ASAP3: variants seen among roughly 807,000 people sequenced by gnomAD.
The protein encoded by ASAP3 is ArfGAP with SH3 domain, ankyrin repeat and PH domain 3.
ASAP3 carries 85 observed loss-of-function variants against 118.2 expected under a neutral mutation model. The ratio of observed to expected loss-of-function variants is 0.72; its 90% CI spans 0.60 to 0.86. The LOEUF is 0.86. Among genes scored for constraint, ASAP3 ranks in the 40% least tolerant of loss-of-function variants. The pLI is 0.00. For missense variants in ASAP3, 1,026 were observed against 1,175.0 expected (o/e 0.87, Z 1.85); for synonymous variants, 432 against 477.4 (o/e 0.90, Z 1.24).
At chr1:23,442,096 A>G in intron 7 of ASAP3, 90 bp downstream of exon 7, 1 of 1,379,260 alleles carries the variant, frequency 7.3e-7, no homozygotes, top group Non-Finnish European at 1.0e-6. Context: ...GCAGGCCTCC[A>G]AAGAGACTCT....
At chr1:23,477,121 A>G (rs886363303) in intron 1 of ASAP3, among the ~76,000 whole-genome samples, 4 of 151,584 alleles carry the variant, frequency 2.6e-5, no homozygotes, top group African/African-American at 9.7e-5. Flanking sequence ...GGTTCAAGCA[A>G]TTCTCGTGCC....
chr1:23,442,749 T>C (rs1367893481), intron 5 of ASAP3, 137 bp from the exon 6 acceptor site: 8 of 1,311,652 alleles, frequency 6.1e-6, no homozygotes, highest in Non-Finnish European at 7.2e-6. Flanking sequence ...CTGGGTACAA[T>C]GAACAAGACA....
At chr1:23,481,998 A>G (rs2148668613) in intron 1 of ASAP3, among the ~76,000 whole-genome samples, 1 of 152,326 alleles carries the variant, frequency 6.6e-6, no homozygotes, top group East Asian at 1.9e-4. Flanking sequence ...CCACAGTAAA[A>G]TATAACCCAC....
At position 23,441,215 on chromosome 1, in the gene ASAP3, T is replaced by A. The variant is rs967056815; in HGVS notation, c.835-4A>T. ...AGTTCTTCCGGCTCAGGTGTTCCTG[T>A]CCCTCGGACATGCAAAGGAGACCTC... On this transcript the variant is annotated splice_polypyrimidine_tract_variant and splice_region_variant and intron_variant, in intron 9 of 24. Coordinates refer to ENST00000336689, the MANE Select transcript of ASAP3 (RefSeq NM_017707.4). 1 of 1,614,072 alleles carries A rather than the reference T, an allele frequency of 6.2e-7. No homozygotes were observed. Among genetic ancestry groups the A allele is most frequent in the Non-Finnish European group, 8.5e-7 (1 of 1,180,044 alleles).
chr1:23,483,109 G>A (rs1270225649), intron 1 of ASAP3, among the ~76,000 whole-genome samples: 1 of 152,170 alleles, frequency 6.6e-6, no homozygotes, highest in African/African-American at 2.4e-5. Context: ...CTGGCGCAGG[G>A]TGTTATGAAC....
intron 3 of ASAP3, among the ~76,000 whole-genome samples, chr1:23,454,084 A>G (rs1179260796): frequency 6.6e-6 from 1 of 151,960 alleles, no homozygotes; most frequent in African/African-American, 2.4e-5. Flanking sequence ...CAGTGGTGTG[A>G]TCACACTCAC....
At chr1:23,454,466 G>C (rs545813667) in intron 3 of ASAP3, among the ~76,000 whole-genome samples, 1 of 152,086 alleles carries the variant, frequency 6.6e-6, no homozygotes, top group Non-Finnish European at 1.5e-5. Flanking sequence ...GATTACAGGC[G>C]TGAGCCACCG....
rs1431089680 is a variant in ASAP3, at chr1:23,431,072, G to A, written c.2600C>T (p.Pro867Leu). 2 of 1,588,366 alleles carry A rather than the reference G, an allele frequency of 1.3e-6. No individual in the cohort carries two copies. The highest frequency in any genetic ancestry group is 1.3e-5 in the African/African-American group (1 of 74,638). The change falls in exon 24 of 25, where the codon CCC becomes CTC. Residue 867 changes from proline to leucine, a missense_variant. Transcript: ENST00000336689. ...TCTGGGCAGAGGCTGCCTGGCTGAG[G>A]GACCATCTTCAGGGCTCCGCGCCCC... ...RRGARSPEDG[P>L]SARQPLPRRN...
At chr1:23,453,121 G>A (rs1169075168) in intron 3 of ASAP3, among the ~76,000 whole-genome samples, 2 of 152,160 alleles carry the variant, frequency 1.3e-5, no homozygotes, top group Non-Finnish European at 2.9e-5. Context: ...TGCTCCAGCA[G>A]CATCCCACAG....
At chr1:23,481,754 G>C (rs936755264) in intron 1 of ASAP3, among the ~76,000 whole-genome samples, 2 of 152,222 alleles carry the variant, frequency 1.3e-5, no homozygotes, top group African/African-American at 4.8e-5. Flanking sequence ...AGCCAGGCAA[G>C]GCCAGATGTA....
chr1:23,432,302 TGG>T (rs1640468368), intron 22 of ASAP3, among the ~76,000 whole-genome samples: 1 of 152,190 alleles, frequency 6.6e-6, no homozygotes, highest in South Asian at 2.1e-4. Context: ...CCACCACATC[TGG>T]CCTAGGATCT....
Position 23,437,291 on chromosome 1 carries a change from T to C in ASAP3, c.1181A>G (p.Asp394Gly), listed in dbSNP as rs1640709239. Residue 394 changes from aspartate (D) to glycine (G), a missense_variant, in exon 14 of 25, where the codon GAC (aspartate) becomes GGC (glycine). By Grantham distance (94) the Asp-to-Gly change is moderately conservative. Transcript: ENST00000336689. The surrounding 1 kb of genome is among the most constrained non-coding windows in gnomAD (Gnocchi z 6.1). ...AWVSVLQNSKDEALSSAFLGE... is the reference protein window; with the variant it reads ...AWVSVLQNSKGEALSSAFLGE... Reference sequence around the variant, plus strand: ...GAGGAAGGCGCTGCTCAGGGCTTCGTCCTTGCTGTTCTGCAACACTGACAC... The same window carrying C: ...GAGGAAGGCGCTGCTCAGGGCTTCGCCCTTGCTGTTCTGCAACACTGACAC... 1 of 1,608,230 alleles carries C rather than the reference T, an allele frequency of 6.2e-7. No individual in the cohort carries two copies. The highest frequency in any genetic ancestry group is 8.5e-7 in the Non-Finnish European group (1 of 1,177,424).
At chr1:23,461,667 A>AC (rs1052597486) in intron 1 of ASAP3, among the ~76,000 whole-genome samples, 7 of 133,648 alleles carry the variant, frequency 5.2e-5, no homozygotes, top group Admixed American at 1.6e-4. Context: ...TCTCAAACGC[A>AC]CCCCCCCACA....
chr1:23,448,927 C>G (rs74062717), intron 5 of ASAP3, among the ~76,000 whole-genome samples: 1 of 152,200 alleles, frequency 6.6e-6, no homozygotes, highest in Non-Finnish European at 1.5e-5. Flanking sequence ...CCAGGACTGG[C>G]TGGTGCCTAA....
intron 1 of ASAP3, among the ~76,000 whole-genome samples, chr1:23,458,484 A>T (rs1641459362): frequency 6.6e-6 from 1 of 152,038 alleles, no homozygotes; most frequent in African/African-American, 2.4e-5. Flanking sequence ...CTATAGTCCC[A>T]GCTACTTGGG....
chr1:23,477,958 C>G lies in ASAP3; in HGVS notation c.129+6047G>C, dbSNP rs566412075. On this transcript the variant is annotated intron_variant, in intron 1 of 24. Transcript: ENST00000336689. Reference sequence around the variant, plus strand: ...CACAGGGCAGGGACTGCATCTCTAACTGAGCGATGCATCTGCCCAGTGCCT... The same window carrying G: ...CACAGGGCAGGGACTGCATCTCTAAGTGAGCGATGCATCTGCCCAGTGCCT... Among the ~76,000 whole-genome samples, 9 of 152,340 alleles carry G rather than the reference C, an allele frequency of 5.9e-5. No individual in the cohort carries two copies. In the South Asian group the frequency reaches 6.2e-4, roughly 11 times the overall value.
At chr1:23,475,597 C>T (rs538156221) in intron 1 of ASAP3, among the ~76,000 whole-genome samples, 6 of 152,308 alleles carry the variant, frequency 3.9e-5, no homozygotes, top group Non-Finnish European at 8.8e-5. Context: ...ATCTCCAGCC[C>T]GCTCCTTTGA....
rs139603319 is a variant in ASAP3, at chr1:23,433,987, A to G, written c.1951+267T>C. ...TAAACAATACATATTAGCTATTACA[A>G]TCATTATCATTCAGATCTAGCTAAT... On this transcript the variant is annotated intron_variant, in intron 19 of 24. Coordinates refer to ENST00000336689, the MANE Select transcript of ASAP3 (RefSeq NM_017707.4). Among the ~76,000 whole-genome samples, 29 of 152,366 alleles carry G rather than the reference A, an allele frequency of 1.9e-4. 1 individual carries two copies. In the East Asian group the frequency reaches 5.6e-3, roughly 29 times the overall value.
chr1:23,483,281 G>A (rs1274507118), intron 1 of ASAP3, among the ~76,000 whole-genome samples: 1 of 152,236 alleles, frequency 6.6e-6, no homozygotes, highest in Non-Finnish European at 1.5e-5. Context: ...CCAAGGCCAC[G>A]GGGTGTCTGT....
Sources: gnomAD v4.1 joint callset for allele counts (sites outside exome capture counted in the v4.1 genomes callset) on GRCh38, gnomAD v4.1.1 for gene constraint, Gnocchi (gnomAD v3.1) non-coding constraint, MANE v1.5 for transcripts, NCBI Gene and HGNC (gene_info 2026-07-23, HGNC 2026-07-21) for gene names.